The following EPM2A variants were observed in gnomAD, a reference collection of about 807,000 sequenced individuals.
EPM2A encodes EPM2A glucan phosphatase, laforin, also known as laforin.
Under a neutral mutation model 26.5 loss-of-function variants are expected in EPM2A, and 21 were observed. That is an observed-to-expected ratio of 0.79 (90% confidence interval 0.56 to 1.14). EPM2A has a LOEUF of 1.14. Ranked by LOEUF, EPM2A falls within the 50% of genes most tolerant of loss-of-function variation. The pLI is 0.00. For synonymous variants in EPM2A, 217 were observed against 177.6 expected (o/e 1.22, Z -1.76); for missense variants, 458 against 440.8 (o/e 1.04, Z -0.35).
intron 4 of EPM2A, among the ~76,000 whole-genome samples, chr6:145,429,186 A>C (rs1033554349): frequency 6.6e-6 from 1 of 152,266 alleles, no homozygotes; most frequent in East Asian, 1.9e-4. Context: ...GGCAATACTG[A>C]CCTCTCTCTG....
At chr6:145,647,878 A>G (rs1048646381) in intron 2 of EPM2A, among the ~76,000 whole-genome samples, 5 of 152,232 alleles carry the variant, frequency 3.3e-5, no homozygotes, top group Non-Finnish European at 4.4e-5. Flanking sequence ...CCAAGGATGT[A>G]TGTGTTAAAT....
intron 2 of EPM2A, among the ~76,000 whole-genome samples, chr6:145,675,957 A>G (rs911875200): frequency 9.9e-5 from 15 of 152,186 alleles, no homozygotes; most frequent in African/African-American, 3.6e-4. Flanking sequence ...AGAACTTTTC[A>G]CCCAAAATCA....
At chr6:145,508,425 TACA>T (rs1395639694) in intron 2 of EPM2A, among the ~76,000 whole-genome samples, 1 of 152,122 alleles carries the variant, frequency 6.6e-6, no homozygotes, top group Non-Finnish European at 1.5e-5. Flanking sequence ...AGTAAATCAC[TACA>T]ACAATAAACT....
chr6:145,729,694 C>G (rs1776385827), intron 1 of EPM2A, among the ~76,000 whole-genome samples: 1 of 152,152 alleles, frequency 6.6e-6, no homozygotes, highest in South Asian at 2.1e-4. Flanking sequence ...AGGGACTTGC[C>G]TTGTCTCAGA....
At chr6:145,494,611 T>A (rs1441423264) in intron 4 of EPM2A, among the ~76,000 whole-genome samples, 1 of 152,214 alleles carries the variant, frequency 6.6e-6, no homozygotes, top group African/African-American at 2.4e-5. Context: ...ATCTTTTTGA[T>A]ATGGGCATTT....
At chr6:145,453,313 TGG>T (rs1180240699) in intron 4 of EPM2A, among the ~76,000 whole-genome samples, 1 of 151,962 alleles carries the variant, frequency 6.6e-6, no homozygotes, top group African/African-American at 2.4e-5. Context: ...AGAATGGAGG[TGG>T]GGGGAAAAAA....
chr6:145,655,891 T>C (rs1202098782), intron 2 of EPM2A, among the ~76,000 whole-genome samples: 1 of 152,150 alleles, frequency 6.6e-6, no homozygotes, highest in Non-Finnish European at 1.5e-5. Flanking sequence ...AGGCAAGAAA[T>C]AAGCTTAGTT....
intron 2 of EPM2A, among the ~76,000 whole-genome samples, chr6:145,533,599 C>T (rs1006535960): frequency 1.3e-5 from 2 of 152,172 alleles, no homozygotes; most frequent in African/African-American, 2.4e-5. Flanking sequence ...TGCATGAGCT[C>T]ATTCTTGTTT....
intron 4 of EPM2A, among the ~76,000 whole-genome samples, chr6:145,388,839 G>T (rs1253272537): frequency 6.6e-6 from 1 of 152,126 alleles, no homozygotes; most frequent in Non-Finnish European, 1.5e-5. Flanking sequence ...CAAAGGACAT[G>T]AATTCATCCT....
chr6:145,415,003 T>C (rs1354334269), intron 4 of EPM2A, among the ~76,000 whole-genome samples: 1 of 152,232 alleles, frequency 6.6e-6, no homozygotes, highest in African/African-American at 2.4e-5. Context: ...TGTTTCTTGT[T>C]CACTCTACCT....
At chr6:145,698,044 A>G (rs1781708449) in intron 1 of EPM2A, among the ~76,000 whole-genome samples, 1 of 152,216 alleles carries the variant, frequency 6.6e-6, no homozygotes, top group Admixed American at 6.5e-5. Context: ...TGCAGTAAAG[A>G]CAGGCATAAG....
chr6:145,512,452 C>A (rs113394804), intron 2 of EPM2A, among the ~76,000 whole-genome samples: 1 of 151,838 alleles, frequency 6.6e-6, no homozygotes, highest in African/African-American at 2.4e-5. Context: ...TGGTGGCTCA[C>A]GTCTGTAATC....
At chr6:145,498,197 C>G (rs1207888485), downstream of EPM2A, among the ~76,000 whole-genome samples, 1 of 152,206 alleles carries the variant, frequency 6.6e-6, no homozygotes, top group African/African-American at 2.4e-5. Flanking sequence ...GCCCACCCCT[C>G]CCGTCAGGAA....
chr6:145,679,350 T>C (rs1393574840), intron 2 of EPM2A, among the ~76,000 whole-genome samples: 3 of 151,864 alleles, frequency 2.0e-5, no homozygotes, highest in African/African-American at 7.3e-5. Context: ...ATGGCACATG[T>C]ATACCTATGT....
chr6:145,387,987 G>T (rs1031395182), intron 4 of EPM2A, among the ~76,000 whole-genome samples: 1 of 152,048 alleles, frequency 6.6e-6, no homozygotes, highest in Non-Finnish European at 1.5e-5. Flanking sequence ...ATTCATTTGG[G>T]TGTTAACCAC....
At chr6:145,665,834 T>C (rs1214136507) in intron 2 of EPM2A, among the ~76,000 whole-genome samples, 1 of 141,612 alleles carries the variant, frequency 7.1e-6, no homozygotes, top group Admixed American at 7.2e-5. Flanking sequence ...GTGGGCTTCA[T>C]CCCTGGGATG....
chr6:145,489,325 A>G (rs1276194798), intron 4 of EPM2A, among the ~76,000 whole-genome samples: 2 of 152,216 alleles, frequency 1.3e-5, no homozygotes, highest in Non-Finnish European at 2.9e-5. Context: ...CCTGGGAAAG[A>G]GAAGAGGGAG....
At chr6:145,488,201 T>A (rs921545633) in intron 4 of EPM2A, among the ~76,000 whole-genome samples, 1 of 152,182 alleles carries the variant, frequency 6.6e-6, no homozygotes, top group African/African-American at 2.4e-5. Context: ...ACCAGTACCA[T>A]GCTGTTTGGT....
intron 2 of EPM2A, among the ~76,000 whole-genome samples, chr6:145,555,269 C>T (rs971781438): frequency 2.0e-5 from 3 of 152,056 alleles, no homozygotes; most frequent in African/African-American, 7.2e-5. Flanking sequence ...TCCCTGGTAA[C>T]CCTGGACCAG....
Sources: gnomAD v4.1 joint callset for allele counts (sites outside exome capture counted in the v4.1 genomes callset) on GRCh38, gnomAD v4.1.1 for gene constraint, MANE v1.5 for transcripts, NCBI Gene and HGNC (gene_info 2026-07-23, HGNC 2026-07-21) for gene names.